SNTG2: variants seen among roughly 807,000 people sequenced by gnomAD.
The protein encoded by SNTG2 is syntrophin gamma 2.
Under a neutral mutation model 70.9 loss-of-function variants are expected in SNTG2, and 74 were observed. The ratio of observed to expected loss-of-function variants is 1.04; its 90% CI spans 0.86 to 1.27. The LOEUF (loss-of-function observed/expected upper bound fraction) is 1.27, where lower values mean the gene tolerates loss of function less well. SNTG2 is among the 50% of genes most tolerant of loss of function. SNTG2 has a pLI of 0.00. For synonymous variants in SNTG2, 278 were observed against 273.8 expected, an observed-to-expected ratio of 1.02 and a Z score of -0.15; for missense variants, 717 against 690.7, an observed-to-expected ratio of 1.04 and a Z score of -0.43.
chr2:998,260 C>G (rs1248116923), intron 1 of SNTG2, among the ~76,000 whole-genome samples: 1 of 151,862 alleles, frequency 6.6e-6, no homozygotes, highest in African/African-American at 2.4e-5. Flanking sequence ...ACAGCAGCCC[C>G]CAAATATCAC....
At chr2:1,272,712 G>C (rs2148192868) in intron 14 of SNTG2, among the ~76,000 whole-genome samples, 1 of 121,442 alleles carries the variant, frequency 8.2e-6, no homozygotes, top group East Asian at 2.5e-4. Context: ...GGTGCAGAAA[G>C]GACACCCCAG....
intron 2 of SNTG2, among the ~76,000 whole-genome samples, chr2:1,085,781 A>G (rs543788327): frequency 1.8e-4 from 28 of 152,330 alleles, no homozygotes; most frequent in Non-Finnish European, 3.8e-4. Flanking sequence ...GGCTTTCAGG[A>G]CGGGAGAGCC....
At chr2:1,203,690 A>ATATG (rs150383929) in intron 8 of SNTG2, among the ~76,000 whole-genome samples, 14,757 of 140,228 alleles carry the variant, frequency 0.11, 905 homozygotes, top group Non-Finnish European at 0.15. Flanking sequence ...ATATATATAT[A>ATATG]TGTGTGTGTG....
At chr2:976,804 CCCAT>C (rs1205509870) in intron 1 of SNTG2, among the ~76,000 whole-genome samples, 4 of 152,126 alleles carry the variant, frequency 2.6e-5, no homozygotes, top group African/African-American at 9.7e-5. Flanking sequence ...CTCAAGAACC[CCCAT>C]CCGTCTCCCT....
At chr2:972,618 G>C (rs951557391) in intron 1 of SNTG2, among the ~76,000 whole-genome samples, 11 of 152,112 alleles carry the variant, frequency 7.2e-5, no homozygotes, top group Non-Finnish European at 4.4e-5. Flanking sequence ...GTGGAGCCTG[G>C]TGGGAAGTGA....
intron 15 of SNTG2, among the ~76,000 whole-genome samples, chr2:1,313,076 C>T (rs963698648): frequency 2.6e-5 from 4 of 152,222 alleles, no homozygotes; most frequent in African/African-American, 7.2e-5. Context: ...CTTCCATGAT[C>T]GGTGTGTTAA....
At chr2:1,215,403 A>C (rs1441348173) in intron 9 of SNTG2, among the ~76,000 whole-genome samples, 1 of 152,054 alleles carries the variant, frequency 6.6e-6, no homozygotes, top group African/African-American at 2.4e-5. Flanking sequence ...TATTTTTGTT[A>C]ATTATTATTA....
At chr2:967,147 G>A (rs900217827) in intron 1 of SNTG2, among the ~76,000 whole-genome samples, 1 of 152,136 alleles carries the variant, frequency 6.6e-6, no homozygotes, top group African/African-American at 2.4e-5. Flanking sequence ...GCAGACCAGG[G>A]ACAGGAGTGC....
chr2:1,021,622 G>T, intron 1 of SNTG2, among the ~76,000 whole-genome samples: 3 of 149,034 alleles, frequency 2.0e-5, no homozygotes, highest in African/African-American at 2.5e-5. Flanking sequence ...TTTGCTTTAG[G>T]GCCAGAGTCT....
intron 15 of SNTG2, 92 bp downstream of exon 15, chr2:1,308,678 C>T: frequency 9.5e-7 from 1 of 1,051,344 alleles, no homozygotes; most frequent in Non-Finnish European, 1.4e-6. Flanking sequence ...CTGGTAGAAG[C>T]CACCAACCTT....
chr2:986,764 T>C (rs2147973502), intron 1 of SNTG2, among the ~76,000 whole-genome samples: 1 of 152,372 alleles, frequency 6.6e-6, no homozygotes, highest in South Asian at 2.1e-4. Context: ...AGCAGTGTTC[T>C]AATCAAAGCA....
intron 1 of SNTG2, among the ~76,000 whole-genome samples, chr2:987,283 A>G (rs567774826): frequency 4.9e-4 from 74 of 152,308 alleles, no homozygotes; most frequent in African/African-American, 1.7e-3. Flanking sequence ...CAGCAGGAGA[A>G]TGGCACACTG....
At chr2:1,241,807 C>T (rs1677071327) in intron 11 of SNTG2, among the ~76,000 whole-genome samples, 1 of 152,090 alleles carries the variant, frequency 6.6e-6, no homozygotes, top group African/African-American at 2.4e-5. Flanking sequence ...GAAATTCTCC[C>T]ACATATTAAG....
chr2:983,023 ATGTCAGGATGAAGAAGCTGCAGAGGTGG>A (rs1179426480), intron 1 of SNTG2, among the ~76,000 whole-genome samples: 3 of 148,008 alleles, frequency 2.0e-5, no homozygotes, highest in Admixed American at 1.3e-4. Context: ...TGCAGAGGTG[ATGTCAGGATGAAGAAGCTGCAGAGGTGG>A]TGTCAGGATG....
chr2:1,337,297 T>C (rs1193861431), intron 16 of SNTG2, among the ~76,000 whole-genome samples: 1 of 152,164 alleles, frequency 6.6e-6, no homozygotes, highest in African/African-American at 2.4e-5. Context: ...CACTATTTTA[T>C]TTCCACCAAC....
chr2:1,303,826 A>G (rs1349718085), intron 14 of SNTG2, among the ~76,000 whole-genome samples: 1 of 152,238 alleles, frequency 6.6e-6, no homozygotes, highest in African/African-American at 2.4e-5. Flanking sequence ...TGAAAATACA[A>G]TGAATAACTC....
intron 2 of SNTG2, among the ~76,000 whole-genome samples, chr2:1,095,528 C>T (rs571866504): frequency 1.2e-3 from 176 of 152,108 alleles, no homozygotes; most frequent in Non-Finnish European, 2.0e-3. Context: ...TTTTTCTTAC[C>T]TATCTTGTTA....
chr2:1,063,486 G>A (rs2148118781), intron 1 of SNTG2, among the ~76,000 whole-genome samples: 1 of 152,284 alleles, frequency 6.6e-6, no homozygotes, highest in South Asian at 2.1e-4. Flanking sequence ...AGGAAGGAAA[G>A]CTTTCAGCAG....
intron 9 of SNTG2, chr2:1,210,668 G>C (rs943594699): frequency 2.6e-5 from 4 of 152,080 alleles, no homozygotes; most frequent in African/African-American, 7.2e-5. Flanking sequence ...AGTCCTGAAG[G>C]CTCTATTCAT....
Sources: gnomAD v4.1 joint callset for allele counts (sites outside exome capture counted in the v4.1 genomes callset) on GRCh38, gnomAD v4.1.1 for gene constraint, MANE v1.5 for transcripts, NCBI Gene and HGNC (gene_info 2026-07-23, HGNC 2026-07-21) for gene names.